The following GRM8 variants were observed in gnomAD, a reference collection of about 807,000 sequenced individuals.
GRM8 encodes the protein glutamate metabotropic receptor 8.
A neutral mutation model predicts 87.2 loss-of-function variants in GRM8; 47 were observed. The observed-to-expected ratio is 0.54, with a 90% CI of 0.43 to 0.69. GRM8 has a LOEUF of 0.69. GRM8 is among the 30% of genes least tolerant of loss of function. The pLI is 0.00. For missense variants in GRM8, 1,019 were observed against 1,139.2 expected (o/e 0.89, Z 1.52); for synonymous variants, 396 against 404.5 (o/e 0.98, Z 0.25).
chr7:126,600,956 G>A (rs926788083), intron 8 of GRM8, among the ~76,000 whole-genome samples: 1 of 151,714 alleles, frequency 6.6e-6, no homozygotes, highest in African/African-American at 2.4e-5. Context: ...TATACTTTAA[G>A]TTTTAGGGTA....
At chr7:126,791,088 G>T (rs545619777) in intron 6 of GRM8, among the ~76,000 whole-genome samples, 191 of 152,246 alleles carry the variant, frequency 1.3e-3, no homozygotes, top group African/African-American at 4.4e-3. Context: ...CCTAGCTTAT[G>T]AATAGAGTGT....
chr7:126,962,948 A>G (rs1305497900), intron 3 of GRM8, among the ~76,000 whole-genome samples: 1 of 152,188 alleles, frequency 6.6e-6, no homozygotes, highest in East Asian at 1.9e-4. Flanking sequence ...AAACTTAGAG[A>G]TCTTTGACCC....
chr7:126,613,157 G>C (rs950851206), intron 7 of GRM8, among the ~76,000 whole-genome samples: 1 of 152,158 alleles, frequency 6.6e-6, no homozygotes, highest in Non-Finnish European at 1.5e-5. Flanking sequence ...TGTAGAAAGA[G>C]CATCGTTGAG....
intron 7 of GRM8, among the ~76,000 whole-genome samples, chr7:126,633,674 G>C (rs1801572138): frequency 6.6e-6 from 1 of 151,784 alleles, no homozygotes; most frequent in African/African-American, 2.4e-5. Flanking sequence ...AAAGCACTAG[G>C]AATTAAATCC....
chr7:126,717,393 C>A (rs984728522), intron 7 of GRM8, among the ~76,000 whole-genome samples: 1 of 152,204 alleles, frequency 6.6e-6, no homozygotes, highest in Admixed American at 6.5e-5. Flanking sequence ...TCCAGGGACA[C>A]GAGTGCTGGG....
intron 7 of GRM8, among the ~76,000 whole-genome samples, chr7:126,687,668 C>T (rs1438104952): frequency 6.7e-6 from 1 of 150,216 alleles, no homozygotes; most frequent in African/African-American, 2.5e-5. Flanking sequence ...TAGATATTGC[C>T]TATCTGTTTT....
At chr7:126,830,608 A>T (rs1795270113) in intron 6 of GRM8, among the ~76,000 whole-genome samples, 1 of 152,032 alleles carries the variant, frequency 6.6e-6, no homozygotes, top group South Asian at 2.1e-4. Context: ...ATTCGTCTTA[A>T]TTTTTTTCAA....
rs117190795 is a variant in GRM8, at chr7:126,536,623, G to T, written c.1495-2736C>A. 2.0e-5 allele frequency among the ~76,000 whole-genome samples: 3 copies of T among 151,966 alleles called. No homozygotes were observed. The East Asian group carries it at 5.8e-4, about 29-fold the overall frequency. On this transcript the variant is annotated intron_variant, in intron 8 of 10. Coordinates refer to ENST00000339582, the MANE Select transcript of GRM8 (RefSeq NM_000845.3). ...AGGAAGAAAGAAATAAAGGTAAATG[G>T]AAGCACACAGTGATTTCTTTCAAAA...
At chr7:126,467,157 C>A (rs1044325584) in intron 9 of GRM8, among the ~76,000 whole-genome samples, 2 of 151,572 alleles carry the variant, frequency 1.3e-5, no homozygotes, top group Admixed American at 1.3e-4. Flanking sequence ...CCCCCACCCC[C>A]CGACAGGCTT....
chr7:127,216,107 C>A (rs1338662771), intron 2 of GRM8, among the ~76,000 whole-genome samples: 1 of 152,096 alleles, frequency 6.6e-6, no homozygotes, highest in African/African-American at 2.4e-5. Context: ...AAGTGCTAGG[C>A]AAACAAAAGT....
In GRM8 at chr7:126,778,698, A is replaced by G. The variant is rs187182233; in HGVS notation, c.1157-8633T>C. Among the ~76,000 whole-genome samples the G allele has an allele frequency of 5.9e-5, 9 of 151,930 alleles. No homozygotes were observed. In the East Asian group the frequency reaches 1.7e-3, roughly 29 times the overall value. ...CTCTTTTTTAAGGCATATTAAAGAC[A>G]CTCCTCCTCATACAATTCAAATTTG... On this transcript the variant is annotated intron_variant, in intron 6 of 10. Transcript: ENST00000339582.
At chr7:126,643,350 A>T (rs1802684778) in intron 7 of GRM8, among the ~76,000 whole-genome samples, 1 of 112,804 alleles carries the variant, frequency 8.9e-6, no homozygotes, top group Non-Finnish European at 1.7e-5. Context: ...ATATATATAT[A>T]TATATAGTTT....
At chr7:126,665,627 C>T (rs527807992) in intron 7 of GRM8, among the ~76,000 whole-genome samples, 36 of 152,002 alleles carry the variant, frequency 2.4e-4, no homozygotes, top group African/African-American at 5.8e-4. Context: ...GGGCGGAAGA[C>T]GCAAAAATCT....
chr7:127,102,534 A>G (rs943151232), intron 3 of GRM8, among the ~76,000 whole-genome samples: 2 of 152,186 alleles, frequency 1.3e-5, no homozygotes, highest in Non-Finnish European at 2.9e-5. Flanking sequence ...CAGCCACTCT[A>G]GCTCTAGCCT....
At chr7:127,145,483 T>C (rs566835479) in intron 2 of GRM8, among the ~76,000 whole-genome samples, 1 of 152,254 alleles carries the variant, frequency 6.6e-6, no homozygotes, top group East Asian at 1.9e-4. Flanking sequence ...TAAATCCAAA[T>C]TAACAATTTT....
intron 2 of GRM8, among the ~76,000 whole-genome samples, chr7:127,198,515 T>C (rs769856687): frequency 4.6e-5 from 7 of 152,196 alleles, no homozygotes; most frequent in Non-Finnish European, 8.8e-5. Flanking sequence ...ACCCTGTGCA[T>C]AGTAAGCCCT....
chr7:126,667,307 G>T (rs187918416), intron 7 of GRM8, among the ~76,000 whole-genome samples: 2 of 152,272 alleles, frequency 1.3e-5, no homozygotes, highest in South Asian at 2.1e-4. Context: ...AACATTGTAC[G>T]TGGAAGTAGC....
At chr7:126,480,595 CTG>C (rs966588226) in intron 9 of GRM8, among the ~76,000 whole-genome samples, 1 of 151,962 alleles carries the variant, frequency 6.6e-6, no homozygotes, top group South Asian at 2.1e-4. Context: ...AAATTTCTCA[CTG>C]TGTGAGAAAG....
At chr7:126,483,086 C>G (rs1806894645) in intron 9 of GRM8, among the ~76,000 whole-genome samples, 1 of 147,596 alleles carries the variant, frequency 6.8e-6, no homozygotes, top group South Asian at 2.1e-4. Flanking sequence ...ACATATATAA[C>G]TATATTTATT....
Sources: gnomAD v4.1 joint callset for allele counts (sites outside exome capture counted in the v4.1 genomes callset) on GRCh38, gnomAD v4.1.1 for gene constraint, MANE v1.5 for transcripts, NCBI Gene and HGNC (gene_info 2026-07-23, HGNC 2026-07-21) for gene names.